Variants in RYR1 observed in about 807,000 individuals in gnomAD.
RYR1 encodes central core disease of muscle.
RYR1 carries 342 observed loss-of-function variants against 583.5 expected under a neutral mutation model. The observed-to-expected ratio is 0.59, with a 90% CI of 0.54 to 0.64. RYR1 has a LOEUF of 0.64. Among genes scored for constraint, RYR1 ranks in the 30% least tolerant of loss-of-function variants. The pLI, the probability that RYR1 is intolerant of heterozygous loss-of-function variation, is 0.00. For synonymous variants in RYR1, 2,791 were observed against 2,822.5 expected (o/e 0.99, Z 0.35); for missense variants, 6,032 against 6,917.2 (o/e 0.87, Z 4.54).
intron 38 of RYR1, among the ~76,000 whole-genome samples, chr19:38,493,610 C>T (rs1381929116): frequency 1.3e-5 from 2 of 151,428 alleles, no homozygotes; most frequent in Non-Finnish European, 2.9e-5. Flanking sequence ...ACCTCCGCCT[C>T]CTGGGTTCAA....
intron 30 of RYR1, 105 bp downstream of exon 30, chr19:38,477,975 C>A: frequency 1.7e-6 from 2 of 1,185,798 alleles, no homozygotes; most frequent in Non-Finnish European, 2.4e-6. Context: ...GACCTAGGAA[C>A]TTTCTGGAGC....
chr19:38,527,810 T>A (rs888852254), intron 73 of RYR1, 26 bp downstream of exon 73: 1 of 1,612,920 alleles, frequency 6.2e-7, no homozygotes, highest in Non-Finnish European at 8.5e-7. Context: ...GGGGTCTTTC[T>A]ACTGGGTCTC....
chr19:38,459,724 A>G (rs1276226903), intron 19 of RYR1, among the ~76,000 whole-genome samples: 2 of 151,750 alleles, frequency 1.3e-5, no homozygotes, highest in Non-Finnish European at 2.9e-5. Context: ...GACTCTCCCA[A>G]TGACTCCAGA....
chr19:38,502,493 AC>A lies in RYR1; in HGVS notation c.7615-11del, dbSNP rs918526484. The A allele has an allele frequency of 3.1e-6, 5 of 1,601,334 alleles. No individual in the cohort carries two copies. Among genetic ancestry groups the A allele is most frequent in the Non-Finnish European group, 4.2e-6 (5 of 1,177,234 alleles). ...GGTGTGCAGCGGGCCTGATGTCCTC[AC>A]CCTGCGCCCTAGGCCACTTTCAGCA... On this transcript the variant is annotated splice_polypyrimidine_tract_variant and intron_variant, in intron 47 of 105. Transcript: ENST00000359596.
rs746669177 is a variant in RYR1, at chr19:38,478,419, C to T, written c.4455-16C>T. ...ACTCACATGAGGAGTGCAGTGACCG[C>T]TTCTGTCTCCTGCAGCCTCAAGTGT... On this transcript the variant is annotated splice_polypyrimidine_tract_variant and intron_variant, in intron 30 of 105. Transcript: ENST00000359596. 44 of 1,611,974 alleles carry T rather than the reference C, an allele frequency of 2.7e-5. No homozygotes were observed. The highest frequency in any genetic ancestry group is 3.3e-5 in the Non-Finnish European group (39 of 1,179,908).
rs1222529194 is a variant in RYR1 at position 38,473,477 on chromosome 19, G to A, written c.3866G>A (p.Arg1289Gln). 1.9e-6 allele frequency: 3 copies of A among 1,613,778 alleles called. No homozygotes were observed. The highest frequency in any genetic ancestry group is 1.3e-5 in the African/African-American group (1 of 74,992). Reference protein sequence around the residue: ...QNSLVEMLFLRLSLPVQFHQH... With the variant: ...QNSLVEMLFLQLSLPVQFHQH... ...AGCCTGGTGGAGATGCTTTTCCTGC[G>A]GCTGAGCCTCCCAGTCCAGTTCCAC... The change falls in exon 28 of 106, where the codon CGG (arginine) becomes CAG (glutamine). Residue 1289 changes from arginine to glutamine, a missense_variant. Physicochemically the swap from Arg to Gln is conservative, Grantham distance 43 (BLOSUM62 1). Transcript: ENST00000359596.
chr19:38,514,016 G>C (rs1250026456), intron 63 of RYR1, among the ~76,000 whole-genome samples: 2 of 152,018 alleles, frequency 1.3e-5, no homozygotes, highest in Non-Finnish European at 2.9e-5. Flanking sequence ...ATCCAGTCAA[G>C]TTTCTCCTGC....
chr19:38,511,284 A>G (rs1016624031), intron 60 of RYR1, among the ~76,000 whole-genome samples: 3 of 152,088 alleles, frequency 2.0e-5, no homozygotes, highest in Non-Finnish European at 4.4e-5. Context: ...TGACAGAGCA[A>G]GACCCTGTCT....
chr19:38,532,503 G>T lies in RYR1; in HGVS notation c.11155G>T (p.Asp3719Tyr). The T allele has an allele frequency of 1.2e-6, 2 of 1,614,178 alleles. No homozygotes were observed. The highest frequency in any genetic ancestry group is 2.2e-5 in the South Asian group (2 of 91,084). ...ALTEKSKLDEDYLYMAYADIM... is the reference protein window; with the variant it reads ...ALTEKSKLDEYYLYMAYADIM... ...TTACTTCCCCAGCAAACTGGATGAG[G>T]ATTACCTGTACATGGCCTATGCTGA... The change falls in exon 77 of 106, where the codon GAT becomes TAT. Residue 3719 changes from aspartate (D) to tyrosine (Y), a missense_variant. Transcript: ENST00000359596.
At chr19:38,578,106 T>A in intron 98 of RYR1, 38 bp from the exon 99 acceptor site, 1 of 1,613,300 alleles carries the variant, frequency 6.2e-7, no homozygotes. Context: ...GACTGGAGTC[T>A]GACACTCAAG....
At chr19:38,582,252 C>T (rs1185208751) in intron 101 of RYR1, among the ~76,000 whole-genome samples, 1 of 152,030 alleles carries the variant, frequency 6.6e-6, no homozygotes, top group Non-Finnish European at 1.5e-5. Flanking sequence ...ACAAAATTAG[C>T]TGGGCATGGT....
rs550578546 is a variant in RYR1, at chr19:38,575,061, G to A, written c.14130-858G>A. On this transcript the variant is annotated intron_variant, in intron 96 of 105. Coordinates refer to ENST00000359596, the MANE Select transcript of RYR1 (RefSeq NM_000540.3). ...TCTCAAAAAAAAAAAAAAAAAACTC[G>A]TTGGCCATATTTGAGGATGTTAGGG... is the stretch of plus-strand genomic sequence containing the variant. Among the ~76,000 whole-genome samples, 4 of 145,888 alleles carry A rather than the reference G, an allele frequency of 2.7e-5. No homozygotes were observed. In the South Asian group the frequency reaches 8.4e-4, roughly 31 times the overall value.
chr19:38,515,930 G>C (rs1970946904), intron 64 of RYR1, among the ~76,000 whole-genome samples, 157 bp from the exon 65 acceptor site: 1 of 152,204 alleles, frequency 6.6e-6, no homozygotes, highest in Non-Finnish European at 1.5e-5. Flanking sequence ...AACAGAGCGA[G>C]ACCCTGTCTT....
chr19:38,565,221 G>C lies in RYR1; in HGVS notation c.12887G>C (p.Arg4296Pro). Reference sequence around the variant, plus strand: ...ACGGCGGCGGCGGGGGCGACGGCGCGGGTTGTGGCGGCCGCAGGCCGGGCC... The same window carrying C: ...ACGGCGGCGGCGGGGGCGACGGCGCCGGTTGTGGCGGCCGCAGGCCGGGCC... ...AATAAAGATARVVAAAGRALR... is the reference protein window; with the variant it reads ...AATAAAGATAPVVAAAGRALR... The change falls in exon 91 of 106, where the codon CGG becomes CCG. Residue 4296 changes from arginine to proline, a missense_variant. This residue lies in a region of RYR1 where 753 missense variants were observed against 759.6 expected (regional missense o/e 0.99). Coordinates refer to ENST00000359596, the MANE Select transcript of RYR1 (RefSeq NM_000540.3). This position sits in a 1 kb window ranked among gnomAD's most constrained non-coding sequence, Gnocchi z 4.7. The C allele has an allele frequency of 1.0e-6, 1 of 990,376 alleles. No individual in the cohort carries two copies. Among genetic ancestry groups the C allele is most frequent in the Non-Finnish European group, 1.2e-6 (1 of 834,936 alleles). 61.3% of individuals were successfully genotyped at this position (990,376 alleles called of 1,614,324 possible). A position where few individuals can be genotyped will look rare whatever the true frequency, so the allele number is the denominator to read the frequency against.
chr19:38,555,366 C>T lies in RYR1; in HGVS notation c.12283-5747C>T, dbSNP rs568496883. On this transcript the variant is annotated intron_variant, in intron 89 of 105. Transcript: ENST00000359596. ...ACTTGCGAGGCTGAGGTGGGAGGACCGAGAAGTTGAGGTCGCAGTGAGTCC... is the reference window on the plus strand; with the variant it reads ...ACTTGCGAGGCTGAGGTGGGAGGACTGAGAAGTTGAGGTCGCAGTGAGTCC... 3.3e-5 allele frequency among the ~76,000 whole-genome samples: 5 copies of T among 150,162 alleles called. No homozygotes were observed. The South Asian group carries it at 8.4e-4, about 25-fold the overall frequency.
At chr19:38,456,938 C>T (rs966325450) in intron 16 of RYR1, among the ~76,000 whole-genome samples, 12 of 143,090 alleles carry the variant, frequency 8.4e-5, no homozygotes, top group Non-Finnish European at 1.4e-4. Flanking sequence ...CCCAGCTACT[C>T]GGGAGGCTGA....
In RYR1 at chr19:38,442,331, A is replaced by G. The variant is rs1433636111; in HGVS notation, c.166-18A>G. On this transcript the variant is annotated intron_variant, in intron 2 of 105. Transcript: ENST00000359596. ...GGGGGTCTTCTGACCCCTCACTTACATCCCCCTCCCACCCCAGAATGTGCC... is the reference window on the plus strand; with the variant it reads ...GGGGGTCTTCTGACCCCTCACTTACGTCCCCCTCCCACCCCAGAATGTGCC... The G allele has an allele frequency of 6.4e-7, 1 of 1,550,748 alleles. No homozygotes were observed. Among genetic ancestry groups the G allele is most frequent in the East Asian group, 2.2e-5 (1 of 44,560 alleles).
rs1361061481 is a variant in RYR1 at position 38,566,973 on chromosome 19, G to A, written c.13500G>A (p.Glu4500=). ...AGCCCGAGCCGGAACCAGAGCTGGA[G>A]CCGGAGAAAGCCGAGTGAGTGGCCT... ...EPEPEPEPEL[E]PEKADAENGE... Residue 4500 remains glutamate, a synonymous_variant, in exon 92 of 106, where the codon GAG becomes GAA. Coordinates refer to ENST00000359596, the MANE Select transcript of RYR1 (RefSeq NM_000540.3). The A allele has an allele frequency of 6.3e-7, 1 of 1,596,938 alleles. No homozygotes were observed. The highest frequency in any genetic ancestry group is 8.5e-7 in the Non-Finnish European group (1 of 1,171,678).
At chr19:38,436,519 C>A (rs1411505602) in intron 1 of RYR1, among the ~76,000 whole-genome samples, 1 of 152,122 alleles carries the variant, frequency 6.6e-6, no homozygotes, top group Non-Finnish European at 1.5e-5. Flanking sequence ...TTTCTTCTTT[C>A]ACTCAGCATA....
Sources: gnomAD v4.1 joint callset for allele counts (sites outside exome capture counted in the v4.1 genomes callset) on GRCh38, gnomAD v4.1.1 for gene constraint, gnomAD v4.1.1 regional missense constraint, Gnocchi (gnomAD v3.1) non-coding constraint, MANE v1.5 for transcripts, NCBI Gene and HGNC (gene_info 2026-07-23, HGNC 2026-07-21) for gene names.